The following RBFOX1 variants were observed in gnomAD, a reference collection of about 807,000 sequenced individuals.
RBFOX1 encodes RNA binding protein fox-1 homolog 1.
RBFOX1 carries 8 observed loss-of-function variants against 57.7 expected under a neutral mutation model. The ratio of observed to expected loss-of-function variants is 0.14; its 90% CI spans 0.08 to 0.25. RBFOX1 has a LOEUF of 0.25. RBFOX1 is among the 10% of genes least tolerant of loss of function. The pLI, the probability that RBFOX1 is intolerant of heterozygous loss-of-function variation, is 1.00. For synonymous variants in RBFOX1, 326 were observed against 222.4 expected, an observed-to-expected ratio of 1.47 and a Z score of -4.15; for missense variants, 611 against 548.5, an observed-to-expected ratio of 1.11 and a Z score of -1.14.
intron 3 of RBFOX1, among the ~76,000 whole-genome samples, chr16:6,890,112 A>C (rs895210600): frequency 1.3e-5 from 2 of 152,260 alleles, no homozygotes; most frequent in Non-Finnish European, 2.9e-5. Flanking sequence ...AATAAAGGAA[A>C]ATAAATAATA....
chr16:6,253,892 G>A (rs944759972), intron 1 of RBFOX1, among the ~76,000 whole-genome samples: 14 of 152,010 alleles, frequency 9.2e-5, no homozygotes, highest in African/African-American at 2.7e-4. Flanking sequence ...CGTCACAACA[G>A]CAATTGGAAT....
At chr16:6,728,581 A>G (rs1006630060) in intron 3 of RBFOX1, among the ~76,000 whole-genome samples, 5 of 152,212 alleles carry the variant, frequency 3.3e-5, no homozygotes, top group Non-Finnish European at 1.5e-5. Flanking sequence ...CAATTACTCA[A>G]TATAGGGAAG....
chr16:6,829,840 G>C (rs972244026), intron 3 of RBFOX1, among the ~76,000 whole-genome samples: 24 of 152,290 alleles, frequency 1.6e-4, no homozygotes, highest in African/African-American at 5.3e-4. Context: ...GACCTTAGGA[G>C]ATCTGCCTGC....
chr16:5,716,264 A>G (rs1555507867), intron 3 of RBFOX1, among the ~76,000 whole-genome samples: 1 of 152,208 alleles, frequency 6.6e-6, no homozygotes, highest in Non-Finnish European at 1.5e-5. Flanking sequence ...TTAATTTTGT[A>G]CCAAGCTAAT....
intron 3 of RBFOX1, among the ~76,000 whole-genome samples, chr16:5,609,918 C>G (rs151145730): frequency 1.4e-4 from 22 of 152,270 alleles, no homozygotes; most frequent in African/African-American, 4.8e-4. Context: ...ATAATTTGTA[C>G]TCTTACCCTC....
chr16:6,104,948 T>C (rs2096360763), intron 1 of RBFOX1, among the ~76,000 whole-genome samples: 1 of 152,204 alleles, frequency 6.6e-6, no homozygotes, highest in East Asian at 1.9e-4. Context: ...CTTTCTTTTC[T>C]AGGAGCCTGA....
At chr16:7,189,381 G>A (rs947033493) in intron 4 of RBFOX1, among the ~76,000 whole-genome samples, 6 of 137,500 alleles carry the variant, frequency 4.4e-5, no homozygotes, top group Non-Finnish European at 9.1e-5. Flanking sequence ...AGCTGAGATC[G>A]CGCCACTGCA....
At chr16:6,751,763 C>T (rs947223196) in intron 3 of RBFOX1, among the ~76,000 whole-genome samples, 4 of 152,056 alleles carry the variant, frequency 2.6e-5, no homozygotes, top group Non-Finnish European at 5.9e-5. Context: ...GTTTACTGCC[C>T]CTGTGGTCTT....
At chr16:6,122,902 T>C (rs530202118) in intron 1 of RBFOX1, among the ~76,000 whole-genome samples, 4 of 151,652 alleles carry the variant, frequency 2.6e-5, no homozygotes, top group African/African-American at 9.7e-5. Flanking sequence ...GAAAAGATAT[T>C]AGTTTAAAAG....
rs574777526 is a variant in RBFOX1 at position 7,008,146 on chromosome 16, A to G, written c.-15-43911A>G. Reference sequence around the variant, plus strand: ...TTCTCACTGAAAAAAATATATATCCACAGCATAATCAGAATAGTTGTTACC... The same window carrying G: ...TTCTCACTGAAAAAAATATATATCCGCAGCATAATCAGAATAGTTGTTACC... On this transcript the variant is annotated intron_variant, in intron 3 of 15. Coordinates refer to ENST00000550418, the MANE Select transcript of RBFOX1 (RefSeq NM_018723.4). Among the ~76,000 whole-genome samples the G allele has an allele frequency of 2.6e-5, 4 of 152,312 alleles. No individual in the cohort carries two copies. In the South Asian group the frequency reaches 6.2e-4, roughly 24 times the overall value.
chr16:5,663,870 G>A (rs1336310676), intron 3 of RBFOX1, among the ~76,000 whole-genome samples: 1 of 152,180 alleles, frequency 6.6e-6, no homozygotes, highest in Non-Finnish European at 1.5e-5. Context: ...GCTGAAGCTT[G>A]GTGGGGAAGC....
chr16:7,295,144 G>T (rs941213409), intron 4 of RBFOX1, among the ~76,000 whole-genome samples: 1 of 152,162 alleles, frequency 6.6e-6, no homozygotes, highest in African/African-American at 2.4e-5. Flanking sequence ...GTTGACAAGG[G>T]TTAATGTGTA....
chr16:7,296,537 A>G (rs1030466284), intron 4 of RBFOX1, among the ~76,000 whole-genome samples: 2 of 152,152 alleles, frequency 1.3e-5, no homozygotes, highest in Non-Finnish European at 2.9e-5. Flanking sequence ...GAAAAAAACT[A>G]AGGCTCGGAA....
chr16:6,701,551 A>G (rs530920181), intron 3 of RBFOX1, among the ~76,000 whole-genome samples: 48 of 152,244 alleles, frequency 3.2e-4, no homozygotes, highest in Middle Eastern at 3.4e-3. Context: ...GGAAGCTTCT[A>G]TTTCTGGTGG....
At chr16:5,346,245 A>G (rs1389712835) in intron 1 of RBFOX1, among the ~76,000 whole-genome samples, 1 of 152,198 alleles carries the variant, frequency 6.6e-6, no homozygotes, top group Non-Finnish European at 1.5e-5. Flanking sequence ...CGGTATGCCC[A>G]GTTATAAGAC....
At chr16:7,521,715 C>T (rs748877496) in intron 5 of RBFOX1, among the ~76,000 whole-genome samples, 44 of 152,126 alleles carry the variant, frequency 2.9e-4, no homozygotes, top group Non-Finnish European at 5.7e-4. Context: ...ATCATAATGA[C>T]AGTAGGAGAA....
At chr16:6,477,668 AG>A (rs1313309640) in intron 2 of RBFOX1, among the ~76,000 whole-genome samples, 1 of 152,254 alleles carries the variant, frequency 6.6e-6, no homozygotes, top group African/African-American at 2.4e-5. Flanking sequence ...CAGCTGTATT[AG>A]CCCCTAATAA....
At chr16:7,404,119 C>T (rs535785475) in intron 4 of RBFOX1, among the ~76,000 whole-genome samples, 1 of 151,406 alleles carries the variant, frequency 6.6e-6, no homozygotes, top group African/African-American at 2.4e-5. Flanking sequence ...GTGACTCATT[C>T]TCGGCTCACT....
intron 3 of RBFOX1, among the ~76,000 whole-genome samples, chr16:6,862,979 TGTC>T (rs2059280719): frequency 1.3e-5 from 2 of 148,852 alleles, no homozygotes; most frequent in South Asian, 2.2e-4. Context: ...AGGGAGACTC[TGTC>T]TAAAAAAAAA....
Sources: allele counts gnomAD v4.1 joint callset (sites outside exome capture counted in the v4.1 genomes callset), GRCh38; gene constraint gnomAD v4.1.1; transcripts MANE v1.5; gene names NCBI Gene and HGNC (gene_info 2026-07-23, HGNC 2026-07-21).